The following LRRTM3 variants were observed in gnomAD, a reference collection of about 807,000 sequenced individuals.
LRRTM3 encodes the protein leucine rich repeat transmembrane neuronal 3.
In LRRTM3, 24 loss-of-function variants were observed where a neutral mutation model predicts 44.7. The ratio of observed to expected loss-of-function variants is 0.54; its 90% CI spans 0.39 to 0.76. The LOEUF (loss-of-function observed/expected upper bound fraction) is 0.76. Among genes scored for constraint, LRRTM3 ranks in the 30% least tolerant of loss-of-function variants. The probability of loss-of-function intolerance (pLI) is 0.00; values close to 1 mark genes in which losing one functional copy is unlikely to be tolerated. For synonymous variants in LRRTM3, 277 were observed against 278.7 expected (o/e 0.99, Z 0.06); for missense variants, 587 against 702.2 (o/e 0.84, Z 1.85).
Position 67,097,984 on chromosome 10 carries a change from A to G in LRRTM3, c.*188A>G. ...GAATTGTTTTAAGTCTACACTTTGTAATTAGCTAAGTTGTGCAGTATTTTT... is the reference window on the plus strand; with the variant it reads ...GAATTGTTTTAAGTCTACACTTTGTGATTAGCTAAGTTGTGCAGTATTTTT... On this transcript the variant is annotated 3_prime_UTR_variant, in exon 3 of 3. Transcript: ENST00000361320. 2 of 593,396 alleles carry G rather than the reference A, an allele frequency of 3.4e-6. No homozygotes were observed. The highest frequency in any genetic ancestry group is 4.1e-5 in the South Asian group (2 of 48,490). The allele number at this position is 593,396 out of a possible 1,614,324, so 36.8% of individuals were successfully genotyped here. A position where few individuals can be genotyped will look rare whatever the true frequency, so the allele number is the denominator to read the frequency against.
chr10:67,059,991 T>C (rs994842914), intron 2 of LRRTM3, among the ~76,000 whole-genome samples: 16 of 152,118 alleles, frequency 1.1e-4, no homozygotes, highest in African/African-American at 3.9e-4. Flanking sequence ...CTAATAAGAA[T>C]GGCTTTTTTA....
intron 2 of LRRTM3, among the ~76,000 whole-genome samples, chr10:66,966,853 A>G (rs754466380): frequency 8.5e-5 from 13 of 152,120 alleles, no homozygotes; most frequent in Non-Finnish European, 1.6e-4. Flanking sequence ...ACATAGAACT[A>G]TAGCTTATTT....
At chr10:66,947,148 T>C (rs902231599) in intron 2 of LRRTM3, among the ~76,000 whole-genome samples, 5 of 152,072 alleles carry the variant, frequency 3.3e-5, no homozygotes, top group African/African-American at 9.7e-5. Flanking sequence ...TAGAAAAAAC[T>C]TGCATAAACT....
chr10:66,942,299 A>T (rs1848038567), intron 2 of LRRTM3, among the ~76,000 whole-genome samples: 1 of 152,226 alleles, frequency 6.6e-6, no homozygotes, highest in South Asian at 2.1e-4. Flanking sequence ...CTTGACGCTT[A>T]CCAATCATTA....
chr10:66,978,552 A>AAAAAATAT, intron 2 of LRRTM3, among the ~76,000 whole-genome samples: 2 of 37,866 alleles, frequency 5.3e-5, no homozygotes, highest in African/African-American at 1.7e-4. Flanking sequence ...AAAAAAAAAA[A>AAAAAATAT]ATATATATAT....
chr10:67,014,004 G>A (rs886705789), intron 2 of LRRTM3, among the ~76,000 whole-genome samples: 2 of 152,030 alleles, frequency 1.3e-5, no homozygotes, highest in Non-Finnish European at 2.9e-5. Flanking sequence ...CAGAGAATTT[G>A]TCTCTAAAAA....
At chr10:66,985,952 TC>T (rs766665077) in intron 2 of LRRTM3, among the ~76,000 whole-genome samples, 14 of 152,216 alleles carry the variant, frequency 9.2e-5, no homozygotes, top group Admixed American at 2.0e-4. Context: ...GGTCTCGATC[TC>T]CTGACCTCAT....
chr10:67,005,680 A>ATTTTTTTTTTTT (rs1564825972), intron 2 of LRRTM3, among the ~76,000 whole-genome samples: 1 of 26,372 alleles, frequency 3.8e-5, no homozygotes, highest in Non-Finnish European at 1.1e-4. Context: ...ATTTTACTCC[A>ATTTTTTTTTTTT]TCTTTTTTTT....
At chr10:67,042,678 G>A (rs755198867) in intron 2 of LRRTM3, among the ~76,000 whole-genome samples, 62 of 151,918 alleles carry the variant, frequency 4.1e-4, no homozygotes, top group Non-Finnish European at 6.9e-4. Flanking sequence ...GGTAAGAGTG[G>A]GGAAACTATT....
At chr10:67,047,758 C>A (rs1854843298) in intron 2 of LRRTM3, among the ~76,000 whole-genome samples, 1 of 152,072 alleles carries the variant, frequency 6.6e-6, no homozygotes, top group South Asian at 2.1e-4. Flanking sequence ...ATTAAGATTT[C>A]ATTTTCTAGC....
intron 2 of LRRTM3, among the ~76,000 whole-genome samples, chr10:67,019,366 G>A (rs1445574517): frequency 5.9e-5 from 9 of 152,096 alleles, no homozygotes; most frequent in Non-Finnish European, 8.8e-5. Context: ...TTACAGGCAT[G>A]TGCCACCACG....
Position 67,100,655 on chromosome 10 carries a change from A to G in LRRTM3, c.*2859A>G, listed in dbSNP as rs1160213010. ...ACTTATGTTTGGAGCTGAAAAATGG[A>G]AAGTTTCACCCAGCATGGTTACAAT... On this transcript the variant is annotated 3_prime_UTR_variant, in exon 3 of 3. Transcript: ENST00000361320. Among the ~76,000 whole-genome samples the G allele has an allele frequency of 6.6e-6, 1 of 151,740 alleles. No individual in the cohort carries two copies. The highest frequency in any genetic ancestry group is 1.5e-5 in the Non-Finnish European group (1 of 67,804).
intron 2 of LRRTM3, among the ~76,000 whole-genome samples, chr10:67,040,427 G>T (rs1478087460): frequency 6.6e-6 from 1 of 152,002 alleles, no homozygotes; most frequent in African/African-American, 2.4e-5. Context: ...AAACAATTTG[G>T]ATGCAAAGTA....
intron 2 of LRRTM3, among the ~76,000 whole-genome samples, chr10:66,959,038 C>T (rs1213021484): frequency 1.3e-5 from 2 of 152,082 alleles, no homozygotes; most frequent in Non-Finnish European, 2.9e-5. Context: ...TTATACACAT[C>T]CCCATTGCAC....
chr10:66,930,220 G>C (rs1847298117), intron 2 of LRRTM3, among the ~76,000 whole-genome samples: 1 of 152,118 alleles, frequency 6.6e-6, no homozygotes, highest in African/African-American at 2.4e-5. Flanking sequence ...CTTTGATATT[G>C]ATTAAATCTT....
intron 2 of LRRTM3, among the ~76,000 whole-genome samples, chr10:67,046,321 T>C (rs1854741424): frequency 6.6e-6 from 1 of 152,216 alleles, no homozygotes; most frequent in East Asian, 1.9e-4. Flanking sequence ...AAATCAAATA[T>C]GCCAGGTTTC....
intron 2 of LRRTM3, among the ~76,000 whole-genome samples, chr10:67,059,291 CAT>C (rs1855620067): frequency 6.6e-6 from 1 of 151,864 alleles, no homozygotes; most frequent in Non-Finnish European, 1.5e-5. Flanking sequence ...GAATTGACAT[CAT>C]GTTAGTGATG....
At chr10:67,001,496 G>A (rs1220645836) in intron 2 of LRRTM3, among the ~76,000 whole-genome samples, 1 of 151,778 alleles carries the variant, frequency 6.6e-6, no homozygotes, top group Non-Finnish European at 1.5e-5. Flanking sequence ...GCACAGACAG[G>A]TGGAAAATTT....
chr10:67,058,857 T>C (rs1056251436), intron 2 of LRRTM3, among the ~76,000 whole-genome samples: 3 of 152,174 alleles, frequency 2.0e-5, no homozygotes, highest in African/African-American at 7.2e-5. Context: ...TATCAATTTC[T>C]AAGATCATAA....
Sources: allele counts gnomAD v4.1 joint callset (sites outside exome capture counted in the v4.1 genomes callset), GRCh38; gene constraint gnomAD v4.1.1; transcripts MANE v1.5; gene names NCBI Gene and HGNC (gene_info 2026-07-23, HGNC 2026-07-21).